MTMR3: variants seen among roughly 807,000 people sequenced by gnomAD.
MTMR3 encodes myotubularin related protein 3.
MTMR3 carries 32 observed loss-of-function variants against 132.4 expected under a neutral mutation model. The observed-to-expected ratio is 0.24, with a 90% CI of 0.18 to 0.32. The LOEUF is 0.32. MTMR3 is among the 10% of genes least tolerant of loss of function. The probability of loss-of-function intolerance (pLI) is 1.00; values close to 1 mark genes in which losing one functional copy is unlikely to be tolerated. For synonymous variants in MTMR3, 556 were observed against 550.3 expected (o/e 1.01, Z -0.14); for missense variants, 1,216 against 1,489.6 (o/e 0.82, Z 3.02).
chr22:29,884,223 A>G (rs1322255670), intron 1 of MTMR3, among the ~76,000 whole-genome samples: 3 of 152,142 alleles, frequency 2.0e-5, no homozygotes, highest in Admixed American at 1.3e-4. Flanking sequence ...CTGTTGTAGT[A>G]TCTTGATTCT....
intron 1 of MTMR3, among the ~76,000 whole-genome samples, chr22:29,947,837 G>A (rs148119808): frequency 1.2e-3 from 189 of 152,228 alleles, no homozygotes; most frequent in Non-Finnish European, 1.1e-3. Flanking sequence ...TTTTAAAAAG[G>A]TGGGTCTTTT....
chr22:29,963,503 C>T (rs375122562), intron 2 of MTMR3, among the ~76,000 whole-genome samples: 5 of 150,354 alleles, frequency 3.3e-5, no homozygotes, highest in Non-Finnish European at 5.9e-5. Context: ...GATTCTCCTG[C>T]GTCAGCCTCC....
intron 1 of MTMR3, among the ~76,000 whole-genome samples, chr22:29,909,964 G>A (rs187046111): frequency 1.6e-3 from 242 of 151,890 alleles, no homozygotes; most frequent in Non-Finnish European, 2.3e-3. Context: ...GACCATCCTG[G>A]CTAACACGGT....
intron 1 of MTMR3, among the ~76,000 whole-genome samples, chr22:29,884,278 C>CAAAAG (rs1387628440): frequency 6.6e-6 from 1 of 152,098 alleles, no homozygotes; most frequent in Non-Finnish European, 1.5e-5. Flanking sequence ...CAAAACAAAA[C>CAAAAG]AAAACCCCAA....
At chr22:29,896,658 T>G (rs2064902134) in intron 1 of MTMR3, among the ~76,000 whole-genome samples, 1 of 151,622 alleles carries the variant, frequency 6.6e-6, no homozygotes, top group East Asian at 1.9e-4. Context: ...ATTTCCATAG[T>G]CTAAAAAAAA....
At chr22:29,971,196 C>A in intron 3 of MTMR3, 134 bp downstream of exon 3, 1 of 891,914 alleles carries the variant, frequency 1.1e-6, no homozygotes, top group Non-Finnish European at 1.6e-6. Flanking sequence ...TCCCAGATCT[C>A]TTGTGTCTTT....
intron 1 of MTMR3, among the ~76,000 whole-genome samples, chr22:29,908,775 C>T (rs1323713582): frequency 2.0e-5 from 3 of 152,060 alleles, no homozygotes; most frequent in South Asian, 2.1e-4. Context: ...TTCTATTTCT[C>T]AGTAAAAAGT....
At chr22:29,978,380 G>A in intron 3 of MTMR3, 62 bp from the exon 4 acceptor site, 1 of 1,415,374 alleles carries the variant, frequency 7.1e-7, no homozygotes, top group Non-Finnish European at 9.8e-7. Context: ...AGATATGGCA[G>A]AAAAACCAAA....
At chr22:29,926,031 T>G (rs1458281334) in intron 1 of MTMR3, among the ~76,000 whole-genome samples, 2 of 152,228 alleles carry the variant, frequency 1.3e-5, no homozygotes, top group Non-Finnish European at 2.9e-5. Context: ...CCTCATGCCC[T>G]GTAGCAGTTA....
chr22:30,006,145 T>G (rs533670226), intron 9 of MTMR3: 1 of 152,346 alleles, frequency 6.6e-6, no homozygotes, highest in East Asian at 1.9e-4. Flanking sequence ...AGTAATAGAA[T>G]TTTTCTAACT....
At chr22:29,991,957 G>GT (rs1251855161) in intron 7 of MTMR3, 2 of 248,794 alleles carry the variant, frequency 8.0e-6, no homozygotes, top group Non-Finnish European at 1.5e-5. Context: ...GGAGCCATGA[G>GT]TTTTGTATAC....
chr22:29,947,460 TTTCCTC>T (rs1409001476), intron 1 of MTMR3, among the ~76,000 whole-genome samples: 1 of 151,732 alleles, frequency 6.6e-6, no homozygotes, highest in African/African-American at 2.4e-5. Context: ...TTGAGAAAGT[TTTCCTC>T]TTATGACAAA....
rs567791660 is a variant in MTMR3 at position 30,007,159 on chromosome 22, G to A, written c.717G>A (p.Glu239=). The change falls in exon 10 of 20, where the codon GAG becomes GAA. Residue 239 remains glutamate, a synonymous_variant. Transcript: ENST00000401950. ...GAVIARCGQP[E]VSWWGWRNAD... ...TCATTGCCCGCTGTGGACAGCCAGA[G>A]GTTAGCTGGTGGGGCTGGCGAAATG... is the stretch of plus-strand genomic sequence containing the variant. 29 of 1,614,146 alleles carry A rather than the reference G, an allele frequency of 1.8e-5. No individual in the cohort carries two copies. The Middle Eastern group carries it at 5.0e-4, about 28-fold the overall frequency.
chr22:29,929,149 C>T (rs537157465), intron 1 of MTMR3, among the ~76,000 whole-genome samples: 5 of 151,864 alleles, frequency 3.3e-5, no homozygotes, highest in African/African-American at 7.3e-5. Flanking sequence ...GGCGGGGTGG[C>T]GTGTGCCTGT....
At chr22:29,944,039 G>A (rs1490922000) in intron 1 of MTMR3, among the ~76,000 whole-genome samples, 3 of 151,572 alleles carry the variant, frequency 2.0e-5, no homozygotes, top group Non-Finnish European at 4.4e-5. Flanking sequence ...GGCTGTTCTC[G>A]AACTTGTGAG....
At chr22:29,906,331 T>G (rs1772027147) in intron 1 of MTMR3, among the ~76,000 whole-genome samples, 1 of 123,484 alleles carries the variant, frequency 8.1e-6, no homozygotes, top group Admixed American at 7.6e-5. Context: ...TATCTATCTA[T>G]CTGTCTATCT....
chr22:29,964,927 GTACAGTTTAGC>G (rs1193276780), intron 2 of MTMR3, among the ~76,000 whole-genome samples: 1 of 151,996 alleles, frequency 6.6e-6, no homozygotes, highest in African/African-American at 2.4e-5. Flanking sequence ...TTCTGATTCG[GTACAGTTTAGC>G]TACAATGGTT....
At chr22:29,966,724 T>C (rs2066423427) in intron 2 of MTMR3, among the ~76,000 whole-genome samples, 1 of 95,394 alleles carries the variant, frequency 1.0e-5, no homozygotes, top group African/African-American at 5.3e-5. Flanking sequence ...TGTAGGGGTG[T>C]GCGTGTGTGT....
intron 1 of MTMR3, among the ~76,000 whole-genome samples, chr22:29,918,292 TTTC>T (rs897137399): frequency 1.3e-5 from 2 of 152,210 alleles, no homozygotes; most frequent in African/African-American, 4.8e-5. Flanking sequence ...GAATAGCACT[TTTC>T]TTCTTGTACT....
Sources: gnomAD v4.1 joint callset for allele counts (sites outside exome capture counted in the v4.1 genomes callset) on GRCh38, gnomAD v4.1.1 for gene constraint, MANE v1.5 for transcripts, NCBI Gene and HGNC (gene_info 2026-07-23, HGNC 2026-07-21) for gene names.